The following SLC22A16 variants were observed in gnomAD, a reference collection of about 807,000 sequenced individuals.
SLC22A16 encodes WUGSC:RG331P03.1.
A neutral mutation model predicts 52.9 loss-of-function variants in SLC22A16; 53 were observed. That is an observed-to-expected ratio of 1.00 (90% CI 0.80 to 1.26). The LOEUF (loss-of-function observed/expected upper bound fraction) is 1.26, where lower values mean the gene tolerates loss of function less well. SLC22A16 is among the 50% of genes most tolerant of loss of function. The pLI is 0.00. For missense variants in SLC22A16, 726 were observed against 704.0 expected (o/e 1.03, Z -0.35); for synonymous variants, 291 against 268.8 (o/e 1.08, Z -0.81).
At chr6:110,443,571 C>T (rs1351686341) in intron 3 of SLC22A16, among the ~76,000 whole-genome samples, 1 of 151,776 alleles carries the variant, frequency 6.6e-6, no homozygotes, top group Non-Finnish European at 1.5e-5. Context: ...AACTGGAACC[C>T]ATGTGTAATA....
intron 1 of SLC22A16, among the ~76,000 whole-genome samples, chr6:110,467,996 T>TG (rs1386864267): frequency 6.6e-6 from 1 of 152,190 alleles, no homozygotes; most frequent in Non-Finnish European, 1.5e-5. Flanking sequence ...TCACTTCTCA[T>TG]AGAACCTCAT....
intron 1 of SLC22A16, among the ~76,000 whole-genome samples, chr6:110,461,601 C>T (rs1412224681): frequency 1.3e-5 from 2 of 152,098 alleles, no homozygotes; most frequent in Non-Finnish European, 2.9e-5. Flanking sequence ...ATGAGATAAG[C>T]TTCCTGAGAC....
At position 110,436,345 on chromosome 6, in the gene SLC22A16, C is replaced by G. The variant is rs563656588; in HGVS notation, c.1312-384G>C. ...AGGAGCCATACAAACAAATTGTGAGCCGGGCCTAATGGCTCACACCTGTAA... is the reference window on the plus strand; with the variant it reads ...AGGAGCCATACAAACAAATTGTGAGGCGGGCCTAATGGCTCACACCTGTAA... On this transcript the variant is annotated intron_variant, in intron 5 of 7. Coordinates refer to ENST00000368919, the MANE Select transcript of SLC22A16 (RefSeq NM_033125.4). 8.5e-5 allele frequency among the ~76,000 whole-genome samples: 13 copies of G among 152,278 alleles called. 1 individual carries two copies. The South Asian group carries it at 2.7e-3, about 32-fold the overall frequency.
At chr6:110,476,256 A>T in intron 1 of SLC22A16, 2 of 1,051,138 alleles carry the variant, frequency 1.9e-6, no homozygotes, top group Non-Finnish European at 2.6e-6. Context: ...GAGAGCACGC[A>T]CCAGGTCCCT....
chr6:110,448,654 A>G (rs1469544105), intron 2 of SLC22A16, among the ~76,000 whole-genome samples: 2 of 152,222 alleles, frequency 1.3e-5, no homozygotes, highest in Non-Finnish European at 2.9e-5. Context: ...ACCTAAAACT[A>G]TTTTTACCTA....
chr6:110,443,637 C>CA (rs1256669072), intron 3 of SLC22A16, among the ~76,000 whole-genome samples: 5 of 152,124 alleles, frequency 3.3e-5, no homozygotes, highest in East Asian at 3.9e-4. Flanking sequence ...GACGATTCCT[C>CA]AAAAAACAAT....
intron 2 of SLC22A16, among the ~76,000 whole-genome samples, chr6:110,450,192 G>GA (rs944952526): frequency 2.5e-4 from 30 of 117,948 alleles, no homozygotes; most frequent in Middle Eastern, 4.1e-3. Context: ...AAAAAAGGAG[G>GA]GGGGGGCACA....
rs529730741 is a variant in SLC22A16, at chr6:110,456,596, G to A, written c.475C>T (p.Pro159Ser). ...DRKWLAMLIQ[P>S]LFMFGVLLGS... Reference sequence around the variant, plus strand: ...AGTAGGACTCCAAACATAAATAGGGGCTGGATCAGCATTGCAAGCCATTTT... The same window carrying A: ...AGTAGGACTCCAAACATAAATAGGGACTGGATCAGCATTGCAAGCCATTTT... The change falls in exon 2 of 8, where the codon CCC becomes TCC. Residue 159 changes from proline to serine, a missense_variant. By Grantham distance (74) the Pro-to-Ser change is moderately conservative. Transcript: ENST00000368919. 6.2e-7 allele frequency: 1 copy of A among 1,614,130 alleles called. No individual in the cohort carries two copies. Among genetic ancestry groups the A allele is most frequent in the South Asian group, 1.1e-5 (1 of 91,074 alleles).
chr6:110,441,265 A>G (rs907164540), intron 4 of SLC22A16, among the ~76,000 whole-genome samples: 1 of 152,234 alleles, frequency 6.6e-6, no homozygotes, highest in African/African-American at 2.4e-5. Flanking sequence ...GGCTTACAGA[A>G]TTCTGACTGA....
At chr6:110,453,771 G>T (rs1775474468) in intron 2 of SLC22A16, 1 of 449,308 alleles carries the variant, frequency 2.2e-6, no homozygotes, top group Non-Finnish European at 4.5e-6. Context: ...CCTAAGACTG[G>T]ATAATTTATA....
intron 6 of SLC22A16, among the ~76,000 whole-genome samples, chr6:110,431,972 A>C (rs1370608513): frequency 1.3e-5 from 2 of 152,178 alleles, no homozygotes; most frequent in Non-Finnish European, 2.9e-5. Flanking sequence ...AATTTGAGAG[A>C]ACAAAGTATC....
chr6:110,428,955 TA>T (rs1306921897), intron 7 of SLC22A16, among the ~76,000 whole-genome samples: 1 of 152,164 alleles, frequency 6.6e-6, no homozygotes, highest in Non-Finnish European at 1.5e-5. Context: ...CTTGTTTAAA[TA>T]TCTGTTAAAT....
chr6:110,456,308 G>A (rs1775648869), intron 2 of SLC22A16: 1 of 523,134 alleles, frequency 1.9e-6, no homozygotes, highest in East Asian at 3.1e-5. Context: ...CAATTTGCCT[G>A]GGGTCCACAG....
intron 7 of SLC22A16, among the ~76,000 whole-genome samples, chr6:110,428,011 A>G (rs1255884326): frequency 1.3e-5 from 2 of 152,232 alleles, no homozygotes; most frequent in African/African-American, 4.8e-5. Flanking sequence ...CACTCAGTCA[A>G]CGATTGCCAA....
At chr6:110,433,256 A>G (rs905467222) in intron 6 of SLC22A16, among the ~76,000 whole-genome samples, 6 of 152,110 alleles carry the variant, frequency 3.9e-5, no homozygotes, top group Non-Finnish European at 8.8e-5. Context: ...TTTTTCTTAG[A>G]TATATATGTG....
At chr6:110,430,841 G>A (rs543886881) in intron 7 of SLC22A16, among the ~76,000 whole-genome samples, 3 of 152,346 alleles carry the variant, frequency 2.0e-5, no homozygotes, top group South Asian at 2.1e-4. Flanking sequence ...CCAGGCCAGC[G>A]GGTGGGGGCA....
At chr6:110,466,700 A>G (rs964464645) in intron 1 of SLC22A16, among the ~76,000 whole-genome samples, 14 of 152,152 alleles carry the variant, frequency 9.2e-5, no homozygotes, top group African/African-American at 2.4e-4. Context: ...TACAACCCCT[A>G]TGGAAAACAT....
At chr6:110,430,014 C>T (rs116822281) in intron 7 of SLC22A16, among the ~76,000 whole-genome samples, 9 of 151,792 alleles carry the variant, frequency 5.9e-5, no homozygotes, top group African/African-American at 1.5e-4. Flanking sequence ...GGGGGTCAAT[C>T]GGGAAAAGCC....
At chr6:110,440,863 C>G (rs1319215009) in intron 4 of SLC22A16, among the ~76,000 whole-genome samples, 1 of 152,126 alleles carries the variant, frequency 6.6e-6, no homozygotes, top group African/African-American at 2.4e-5. Flanking sequence ...GAAATTTGTA[C>G]TAACTTCTTA....
Sources: allele counts gnomAD v4.1 joint callset (sites outside exome capture counted in the v4.1 genomes callset), GRCh38; gene constraint gnomAD v4.1.1; transcripts MANE v1.5; gene names NCBI Gene and HGNC (gene_info 2026-07-23, HGNC 2026-07-21).